LARGE1: variants seen among roughly 807,000 people sequenced by gnomAD.
The protein encoded by LARGE1 is LARGE xylosyl- and glucuronyltransferase 1, also known as xylosyl- and glucuronyltransferase LARGE1.
In LARGE1, 43 loss-of-function variants were observed where a neutral mutation model predicts 87.6. That is an observed-to-expected ratio of 0.49 (90% CI 0.38 to 0.63). The LOEUF (loss-of-function observed/expected upper bound fraction) is 0.63, where lower values mean the gene tolerates loss of function less well. Among genes scored for constraint, LARGE1 ranks in the 30% least tolerant of loss-of-function variants. The pLI, the probability that LARGE1 is intolerant of heterozygous loss-of-function variation, is 0.00. For missense variants in LARGE1, 802 were observed against 1,000.2 expected, an observed-to-expected ratio of 0.80 and a Z score of 2.67; for synonymous variants, 434 against 394.6, an observed-to-expected ratio of 1.10 and a Z score of -1.18.
intron 2 of LARGE1, among the ~76,000 whole-genome samples, chr22:33,680,239 A>T (rs1050378094): frequency 2.0e-5 from 3 of 152,222 alleles, no homozygotes; most frequent in African/African-American, 7.2e-5. Context: ...GGGAAAACAC[A>T]TTCAGAAACA....
intron 12 of LARGE1, among the ~76,000 whole-genome samples, chr22:33,302,964 C>A (rs527969896): frequency 2.6e-5 from 4 of 152,284 alleles, no homozygotes; most frequent in South Asian, 4.1e-4. Context: ...GTACCTGGAT[C>A]TAGGCAGGCA....
chr22:33,319,813 T>C (rs896688692), intron 10 of LARGE1, among the ~76,000 whole-genome samples: 2 of 152,168 alleles, frequency 1.3e-5, no homozygotes, highest in Non-Finnish European at 2.9e-5. Context: ...GTACCACATA[T>C]TGAAGGACAA....
Position 33,772,061 on chromosome 22 carries a change from C to T in LARGE1, c.-82-10503G>A, listed in dbSNP as rs570117759. Among the ~76,000 whole-genome samples the T allele has an allele frequency of 6.1e-4, 93 of 152,302 alleles. No individual in the cohort carries two copies. The South Asian group carries it at 0.012, about 20-fold the overall frequency. ...GAAATTACTCAGTGTTGGCCAGGCG[C>T]GGCGGCTCACACCTGTAATCCCAGC... On this transcript the variant is annotated intron_variant, in intron 1 of 14. Transcript: ENST00000397394.
intron 9 of LARGE1, among the ~76,000 whole-genome samples, chr22:33,365,025 C>A: frequency 6.6e-6 from 1 of 152,038 alleles, no homozygotes; most frequent in Non-Finnish European, 1.5e-5. Context: ...TCAAGGCCTG[C>A]CAAAGTTTTT....
At chr22:33,709,555 TCTC>T (rs1008686345) in intron 2 of LARGE1, among the ~76,000 whole-genome samples, 9 of 151,966 alleles carry the variant, frequency 5.9e-5, no homozygotes, top group African/African-American at 1.9e-4. Flanking sequence ...CATAACTCAT[TCTC>T]CTCTATTCAG....
At chr22:33,638,176 C>G (rs188202766) in intron 3 of LARGE1, among the ~76,000 whole-genome samples, 1 of 152,314 alleles carries the variant, frequency 6.6e-6, no homozygotes, top group East Asian at 1.9e-4. Flanking sequence ...AACGCCTTCA[C>G]TGCTGGGTTA....
rs911519938 is a variant in LARGE1, at chr22:33,485,099, G to C, written c.788-52834C>G. Among the ~76,000 whole-genome samples, 17 of 151,592 alleles carry C rather than the reference G, an allele frequency of 1.1e-4. 1 individual carries two copies. Among genetic ancestry groups the C allele is most frequent in the African/African-American group, 3.4e-4 (14 of 41,260 alleles). On this transcript the variant is annotated intron_variant, in intron 6 of 14. Transcript: ENST00000397394. ...GCTAATTTTTTGTATTTTTAGTAGA[G>C]ACTGGGTTTTGCTATGTTAGCCAGG... is the stretch of plus-strand genomic sequence containing the variant.
At chr22:33,166,912 A>G in intron 11 of LARGE1, 1 of 467,468 alleles carries the variant, frequency 2.1e-6, no homozygotes, top group Non-Finnish European at 4.4e-6. Flanking sequence ...ATACTGGCTA[A>G]GAGTAACCAC....
At chr22:33,608,185 C>G (rs1362316362) in intron 4 of LARGE1, among the ~76,000 whole-genome samples, 14 of 152,198 alleles carry the variant, frequency 9.2e-5, no homozygotes, top group African/African-American at 3.4e-4. Context: ...AAGCCTATAT[C>G]ATGGTCAAGT....
intron 2 of LARGE1, among the ~76,000 whole-genome samples, chr22:33,707,350 C>T (rs986172472): frequency 6.6e-6 from 1 of 152,226 alleles, no homozygotes; most frequent in African/African-American, 2.4e-5. Context: ...CATTCAACCT[C>T]CCTATAACAA....
chr22:33,546,827 G>A (rs28478425), intron 6 of LARGE1, among the ~76,000 whole-genome samples: 92 of 152,154 alleles, frequency 6.0e-4, no homozygotes, highest in Admixed American at 9.8e-4. Flanking sequence ...CAGGTTATCC[G>A]CCCACCTTGG....
chr22:33,313,917 T>C (rs1935873373), intron 11 of LARGE1, among the ~76,000 whole-genome samples: 1 of 152,222 alleles, frequency 6.6e-6, no homozygotes, highest in South Asian at 2.1e-4. Context: ...GCTCAATGTG[T>C]GGTACTTTGT....
At chr22:33,345,237 A>G (rs1318722637) in intron 9 of LARGE1, among the ~76,000 whole-genome samples, 2 of 152,186 alleles carry the variant, frequency 1.3e-5, no homozygotes, top group African/African-American at 4.8e-5. Context: ...CAGATGAGAA[A>G]AGTTTAGCAC....
chr22:33,574,861 A>G (rs2078307344), intron 5 of LARGE1, among the ~76,000 whole-genome samples: 1 of 152,140 alleles, frequency 6.6e-6, no homozygotes, highest in Non-Finnish European at 1.5e-5. Flanking sequence ...CATACAAAAG[A>G]GCACTGGATA....
At chr22:33,414,426 T>A (rs186465895) in intron 7 of LARGE1, among the ~76,000 whole-genome samples, 83 of 152,226 alleles carry the variant, frequency 5.5e-4, no homozygotes, top group African/African-American at 1.8e-3. Context: ...AAAGGGTGTG[T>A]GCCATAGGCC....
At chr22:33,731,458 T>C (rs924333407) in intron 2 of LARGE1, among the ~76,000 whole-genome samples, 2 of 152,178 alleles carry the variant, frequency 1.3e-5, no homozygotes, top group Admixed American at 6.5e-5. Flanking sequence ...TGGCTAGTTG[T>C]ATTCGTCAGA....
intron 1 of LARGE1, among the ~76,000 whole-genome samples, chr22:33,855,977 G>A (rs1431203912): frequency 1.3e-5 from 2 of 152,172 alleles, no homozygotes; most frequent in Non-Finnish European, 2.9e-5. Context: ...TCGGGATCAA[G>A]TCTTGGCATC....
At position 33,348,154 on chromosome 22, in the gene LARGE1, A is replaced by G. The variant is rs1259636096; in HGVS notation, c.1132-10353T>C. ...CCCGAAAAGGGGACTATTCTGAAAC[A>G]CAGGCACTTTAAATTGGGTTTAAAG... is the stretch of plus-strand genomic sequence containing the variant. On this transcript the variant is annotated intron_variant, in intron 9 of 14. Coordinates refer to ENST00000397394, the MANE Select transcript of LARGE1 (RefSeq NM_133642.5). Among the ~76,000 whole-genome samples the G allele has an allele frequency of 2.0e-5, 3 of 152,106 alleles. No individual in the cohort carries two copies. In the East Asian group the frequency reaches 5.8e-4, roughly 29 times the overall value.
chr22:33,429,824 C>A (rs546061343), intron 7 of LARGE1, among the ~76,000 whole-genome samples: 1 of 152,218 alleles, frequency 6.6e-6, no homozygotes, highest in East Asian at 1.9e-4. Flanking sequence ...TAGTCGTTTG[C>A]CAGAGGAAAG....
Sources: gnomAD v4.1 joint callset for allele counts (sites outside exome capture counted in the v4.1 genomes callset) on GRCh38, gnomAD v4.1.1 for gene constraint, MANE v1.5 for transcripts, NCBI Gene and HGNC (gene_info 2026-07-23, HGNC 2026-07-21) for gene names.